DOT1L: variants seen among roughly 807,000 people sequenced by gnomAD.
The protein encoded by DOT1L is histone-lysine N-methyltransferase, H3 lysine-79 specific.
A neutral mutation model predicts 153.3 loss-of-function variants in DOT1L; 33 were observed. That is an observed-to-expected ratio of 0.22 (90% CI 0.16 to 0.29). The LOEUF is 0.29. DOT1L is among the 10% of genes least tolerant of loss of function. The pLI is 1.00. For synonymous variants in DOT1L, 1,135 were observed against 965.1 expected (o/e 1.18, Z -3.26); for missense variants, 1,847 against 2,119.9 (o/e 0.87, Z 2.53).
intron 15 of DOT1L, 130 bp downstream of exon 15, chr19:2,211,342 G>T: frequency 1.2e-6 from 1 of 832,144 alleles, no homozygotes; most frequent in Non-Finnish European, 1.8e-6. Flanking sequence ...AGTTTACCCA[G>T]GGTTGGGGTC....
At chr19:2,164,847 C>T (rs368576848) in intron 1 of DOT1L, among the ~76,000 whole-genome samples, 2 of 152,098 alleles carry the variant, frequency 1.3e-5, no homozygotes, top group African/African-American at 2.4e-5. Flanking sequence ...GCTGCCCTGG[C>T]CCTGGGAAAT....
intron 1 of DOT1L, among the ~76,000 whole-genome samples, chr19:2,166,935 A>G (rs190199140): frequency 6.6e-6 from 1 of 152,260 alleles, no homozygotes; most frequent in East Asian, 1.9e-4. Context: ...TGCCATTCTC[A>G]GAAAGTTGGC....
Position 2,207,505 on chromosome 19 carries a change from G to C in DOT1L, c.857-69G>C. 7.4e-7 allele frequency: 1 copy of C among 1,348,466 alleles called. No homozygotes were observed. Among genetic ancestry groups the C allele is most frequent in the Middle Eastern group, 1.9e-4 (1 of 5,250 alleles). The allele number at this position is 1,348,466 out of a possible 1,614,324, so 83.5% of individuals were successfully genotyped here. A position where few individuals can be genotyped will look rare whatever the true frequency, so the allele number is the denominator to read the frequency against. ...GCTTCTGTCCCCACGCCTGCCCTGGGGTGGGTGAGGTCTGCATGGAGGGGC... is the reference window on the plus strand; with the variant it reads ...GCTTCTGTCCCCACGCCTGCCCTGGCGTGGGTGAGGTCTGCATGGAGGGGC... On this transcript the variant is annotated intron_variant, in intron 10 of 27. Transcript: ENST00000398665. The surrounding 1 kb of genome is among the most constrained non-coding windows in gnomAD (Gnocchi z 4.5).
Position 2,222,725 on chromosome 19 carries a change from C to T in DOT1L, c.3390+166C>T, listed in dbSNP as rs1481456389. On this transcript the variant is annotated intron_variant, in intron 24 of 27. Coordinates refer to ENST00000398665, the MANE Select transcript of DOT1L (RefSeq NM_032482.3). The surrounding 1 kb of genome is among the most constrained non-coding windows in gnomAD (Gnocchi z 6.5). The stretch of plus-strand genomic sequence containing the variant: ...ACCATCCTGGCTAACACGGTGAAAC[C>T]CCGTCTCTACCAAAAATACAAAAGA... 3.0e-6 allele frequency: 2 copies of T among 669,592 alleles called. No homozygotes were observed. Among genetic ancestry groups the T allele is most frequent in the African/African-American group, 1.8e-5 (1 of 54,826 alleles). The allele number at this position is 669,592 out of a possible 1,614,324, so 41.5% of individuals were successfully genotyped here. A position where few individuals can be genotyped will look rare whatever the true frequency, so the allele number is the denominator to read the frequency against.
chr19:2,180,060 C>T (rs1461581506), intron 1 of DOT1L, among the ~76,000 whole-genome samples: 1 of 152,102 alleles, frequency 6.6e-6, no homozygotes, highest in East Asian at 1.9e-4. Context: ...GAGCGAAGGG[C>T]AGGGTGCTGG....
At position 2,226,827 on chromosome 19, in the gene DOT1L, G is replaced by A. The variant is rs1259363492; in HGVS notation, c.4306G>A (p.Gly1436Arg). 8 of 1,581,052 alleles carry A rather than the reference G, an allele frequency of 5.1e-6. No individual in the cohort carries two copies. The highest frequency in any genetic ancestry group is 1.7e-4 in the Middle Eastern group (1 of 6,010). Residue 1436 changes from glycine (G) to arginine (R), a missense_variant, in exon 27 of 28, where the codon GGA becomes AGA. By Grantham distance (125) the Gly-to-Arg change is moderately radical (BLOSUM62 -2). Transcript: ENST00000398665. ...CATCTCTGCGGCGGCCGTGCCTCCC[G>A]GAAGCCTCCTCAGCGGCCCCGGCCT... Reference protein sequence around the residue: ...LFISAAAVPPGSLLSGPGLAP... With the variant: ...LFISAAAVPPRSLLSGPGLAP...
At position 2,222,480 on chromosome 19, in the gene DOT1L, C is replaced by T; in HGVS notation, c.3311C>T (p.Ser1104Phe). The change falls in exon 24 of 28, where the codon TCC becomes TTC. Residue 1104 changes from serine to phenylalanine, a missense_variant. Ser to Phe is a radical substitution (Grantham distance 155). Transcript: ENST00000398665. The surrounding 1 kb of genome is among the most constrained non-coding windows in gnomAD (Gnocchi z 6.5). ...ACGCCCAGCTTGAGCGCAGGCGTGTCCCCCAAGCGCCGAGCCCTGCCGTCC... is the reference window on the plus strand; with the variant it reads ...ACGCCCAGCTTGAGCGCAGGCGTGTTCCCCAAGCGCCGAGCCCTGCCGTCC... ...AGTPSLSAGV[S>F]PKRRALPSVA... is the part of the protein sequence containing the mutation. 6.3e-7 allele frequency: 1 copy of T among 1,597,364 alleles called. No homozygotes were observed. Among genetic ancestry groups the T allele is most frequent in the Non-Finnish European group, 8.5e-7 (1 of 1,174,514 alleles).
At chr19:2,227,435 G>C in intron 27 of DOT1L, 2 of 615,244 alleles carry the variant, frequency 3.3e-6, no homozygotes, top group South Asian at 1.5e-5. Flanking sequence ...GTGGCCGCCC[G>C]GGCTCTGGCA....
rs763715340 is a variant in DOT1L at position 2,194,589 on chromosome 19, C to A, written c.651+12C>A. 2 of 1,609,368 alleles carry A rather than the reference C, an allele frequency of 1.2e-6. No homozygotes were observed. The highest frequency in any genetic ancestry group is 1.3e-5 in the African/African-American group (1 of 74,862). On this transcript the variant is annotated intron_variant, in intron 7 of 27. Coordinates refer to ENST00000398665, the MANE Select transcript of DOT1L (RefSeq NM_032482.3). ...ATGCAGAATACACAGTGAGTGCCATCGCTCCGCCCCGGCTCCCATCGCCGG... is the reference window on the plus strand; with the variant it reads ...ATGCAGAATACACAGTGAGTGCCATAGCTCCGCCCCGGCTCCCATCGCCGG...
intron 1 of DOT1L, among the ~76,000 whole-genome samples, chr19:2,167,987 G>A (rs1216360802): frequency 6.6e-6 from 1 of 152,046 alleles, no homozygotes; most frequent in Non-Finnish European, 1.5e-5. Flanking sequence ...CGTCCACCTC[G>A]GCCTCCCAGA....
At chr19:2,164,359 TC>T in intron 1 of DOT1L, 94 bp downstream of exon 1, 14 of 844,000 alleles carry the variant, frequency 1.7e-5, no homozygotes, top group South Asian at 5.7e-5. Context: ...CGCTCACCGG[TC>T]CCCCCTGCGG....
rs2024645043 is a variant in DOT1L, at chr19:2,232,402, T to C, written c.*2610T>C. 1 of 171,012 alleles carries C rather than the reference T, an allele frequency of 5.8e-6. No individual in the cohort carries two copies. The highest frequency in any genetic ancestry group is 2.3e-4 in the South Asian group (1 of 4,416). The allele number at this position is 171,012 out of a possible 1,614,324, so 10.6% of individuals were successfully genotyped here. A position where few individuals can be genotyped will look rare whatever the true frequency, so the allele number is the denominator to read the frequency against. ...CCCTCCCAACACAACACGCTGCTGG[T>C]CTGTGTCAGCCTTTGTAACGTGGGA... On this transcript the variant is annotated 3_prime_UTR_variant, in exon 28 of 28. Transcript: ENST00000398665.
intron 22 of DOT1L, among the ~76,000 whole-genome samples, chr19:2,218,959 C>T (rs1360767607): frequency 2.6e-5 from 4 of 152,150 alleles, no homozygotes; most frequent in Non-Finnish European, 2.9e-5. Flanking sequence ...GCAGCCTCCG[C>T]CTGCTGGGTT....
In DOT1L at chr19:2,216,569, TACCTGGCCTCACCCCTGG is replaced by T. The variant is rs1431232661; in HGVS notation, c.2216_2233del (p.Leu739_Asp744del). On this transcript the variant is annotated inframe_deletion, in exon 20 of 28. Transcript: ENST00000398665. ...TTCGTCGAAGCAGAACACGCCCCAGTACCTGGCCTCACCCCTGGACCAGGAGGTGGTGCCCTGTACCCC... is the reference window on the plus strand; with the variant it reads ...TTCGTCGAAGCAGAACACGCCCCAGTACCAGGAGGTGGTGCCCTGTACCCC... 1 of 1,609,566 alleles carries T rather than the reference TACCTGGCCTCACCCCTGG, an allele frequency of 6.2e-7. No homozygotes were observed. Among genetic ancestry groups the T allele is most frequent in the South Asian group, 1.1e-5 (1 of 91,076 alleles).
Position 2,230,859 on chromosome 19 carries a change from G to C in DOT1L, c.*1067G>C. 1 of 346,648 alleles carries C rather than the reference G, an allele frequency of 2.9e-6. No individual in the cohort carries two copies. The highest frequency in any genetic ancestry group is 5.2e-6 in the Non-Finnish European group (1 of 193,494). The allele number at this position is 346,648 out of a possible 1,614,324, so 21.5% of individuals were successfully genotyped here. ...CCCAGACAGAGCTGCCGGCGCCCCTGCCTGCCCCACATCCCTTCCTGTCAG... is the reference window on the plus strand; with the variant it reads ...CCCAGACAGAGCTGCCGGCGCCCCTCCCTGCCCCACATCCCTTCCTGTCAG... On this transcript the variant is annotated 3_prime_UTR_variant, in exon 28 of 28. Coordinates refer to ENST00000398665, the MANE Select transcript of DOT1L (RefSeq NM_032482.3).
intron 27 of DOT1L, chr19:2,227,966 C>T (rs764273927): frequency 9.2e-5 from 116 of 1,259,136 alleles, no homozygotes; most frequent in Middle Eastern, 2.8e-4. Flanking sequence ...GCCGGTCCCC[C>T]GCGGGGCCGC....
At chr19:2,188,018 G>A (rs2022615385) in intron 3 of DOT1L, among the ~76,000 whole-genome samples, 2 of 151,858 alleles carry the variant, frequency 1.3e-5, no homozygotes, top group Non-Finnish European at 2.9e-5. Context: ...CCGGCTCTGT[G>A]GGTTCCTCCG....
intron 8 of DOT1L, among the ~76,000 whole-genome samples, chr19:2,201,219 C>T (rs1209602471): frequency 4.0e-5 from 6 of 149,000 alleles, no homozygotes; most frequent in Admixed American, 6.7e-5. Context: ...CCGCATTCCT[C>T]GTCCTCCCTG....
chr19:2,208,795 A>G lies in DOT1L; in HGVS notation c.964-140A>G. On this transcript the variant is annotated intron_variant, in intron 11 of 27. Coordinates refer to ENST00000398665, the MANE Select transcript of DOT1L (RefSeq NM_032482.3). The surrounding 1 kb of genome is among the most constrained non-coding windows in gnomAD (Gnocchi z 4.4). ...TCCGCGTTTGCCACTGGGGGGCTCTAGCTGCATGCCTGCTGTCCCCAGATA... is the reference window on the plus strand; with the variant it reads ...TCCGCGTTTGCCACTGGGGGGCTCTGGCTGCATGCCTGCTGTCCCCAGATA... The G allele has an allele frequency of 1.2e-6, 1 of 839,334 alleles. No individual in the cohort carries two copies. The allele number at this position is 839,334 out of a possible 1,614,324, so 52.0% of individuals were successfully genotyped here. A position where few individuals can be genotyped will look rare whatever the true frequency, so the allele number is the denominator to read the frequency against.
Sources: allele counts gnomAD v4.1 joint callset (sites outside exome capture counted in the v4.1 genomes callset), GRCh38; gene constraint gnomAD v4.1.1; non-coding constraint Gnocchi (gnomAD v3.1); transcripts MANE v1.5; gene names NCBI Gene and HGNC (gene_info 2026-07-23, HGNC 2026-07-21).